Variants in KCNQ5 observed in about 807,000 individuals in gnomAD.
The protein encoded by KCNQ5 is potassium voltage-gated channel subfamily KQT member 5.
A neutral mutation model predicts 98.2 loss-of-function variants in KCNQ5; 30 were observed. The ratio of observed to expected loss-of-function variants is 0.31; its 90% CI spans 0.23 to 0.41. The LOEUF is 0.41. Among genes scored for constraint, KCNQ5 ranks in the 10% least tolerant of loss-of-function variants. The pLI is 1.00. For synonymous variants in KCNQ5, 458 were observed against 449.4 expected (o/e 1.02, Z -0.24); for missense variants, 835 against 1,182.5 (o/e 0.71, Z 4.31).
At chr6:73,171,244 C>T (rs1055709041) in intron 11 of KCNQ5, among the ~76,000 whole-genome samples, 5 of 152,128 alleles carry the variant, frequency 3.3e-5, no homozygotes, top group Admixed American at 1.3e-4. Flanking sequence ...TCAATGGAAC[C>T]CTCAAGTCAC....
chr6:72,745,571 G>C (rs1771354439), intron 1 of KCNQ5, among the ~76,000 whole-genome samples: 1 of 152,048 alleles, frequency 6.6e-6, no homozygotes, highest in African/African-American at 2.4e-5. Context: ...TTATATTTTT[G>C]TTTGAAATTA....
chr6:73,136,558 C>T (rs116869268), intron 10 of KCNQ5: 11 of 152,324 alleles, frequency 7.2e-5, no homozygotes, highest in Non-Finnish European at 1.6e-4. Flanking sequence ...GATGCCCATT[C>T]AATTAATTCT....
chr6:72,653,464 A>T (rs2154472501), intron 1 of KCNQ5, among the ~76,000 whole-genome samples: 1 of 152,206 alleles, frequency 6.6e-6, no homozygotes, highest in Middle Eastern at 3.4e-3. Flanking sequence ...GAGGAAGCTA[A>T]AAATGCCTTT....
At chr6:72,779,747 G>GGATA (rs1353021405) in intron 1 of KCNQ5, among the ~76,000 whole-genome samples, 2 of 151,652 alleles carry the variant, frequency 1.3e-5, no homozygotes, top group African/African-American at 4.8e-5. Flanking sequence ...CAGGCTCAAG[G>GGATA]GATACTACCA....
At chr6:72,628,700 C>T (rs923167436) in intron 1 of KCNQ5, among the ~76,000 whole-genome samples, 1 of 152,114 alleles carries the variant, frequency 6.6e-6, no homozygotes, top group Admixed American at 6.6e-5. Flanking sequence ...ACCTCAGCTT[C>T]CCAAGTTCAA....
At chr6:72,701,857 C>T (rs1768826487) in intron 1 of KCNQ5, among the ~76,000 whole-genome samples, 1 of 151,990 alleles carries the variant, frequency 6.6e-6, no homozygotes, top group African/African-American at 2.4e-5. Flanking sequence ...TGAAGCCTGC[C>T]TAATTTTTGT....
At chr6:72,926,410 C>G (rs1466374288) in intron 1 of KCNQ5, among the ~76,000 whole-genome samples, 1 of 152,138 alleles carries the variant, frequency 6.6e-6, no homozygotes, top group African/African-American at 2.4e-5. Flanking sequence ...CTCTATCTGG[C>G]ACTTTATTAT....
chr6:72,729,031 C>T lies in KCNQ5; in HGVS notation c.398+106444C>T, dbSNP rs540597227. Among the ~76,000 whole-genome samples the T allele has an allele frequency of 1.4e-4, 21 of 152,096 alleles. No individual in the cohort carries two copies. In the South Asian group the frequency reaches 1.7e-3, roughly 12 times the overall value. ...GAATAGTAGTATACTATAAGTACTG[C>T]GCAATGTTCTTTTTTTCACTTAATA... is the stretch of plus-strand genomic sequence containing the variant. On this transcript the variant is annotated intron_variant, in intron 1 of 13. Transcript: ENST00000370398.
At chr6:72,833,826 A>G (rs916638158) in intron 1 of KCNQ5, among the ~76,000 whole-genome samples, 1 of 152,156 alleles carries the variant, frequency 6.6e-6, no homozygotes, top group East Asian at 1.9e-4. Flanking sequence ...AAAAATTATG[A>G]CATATTTATA....
chr6:73,137,586 C>T (rs903048570), intron 10 of KCNQ5, among the ~76,000 whole-genome samples: 14 of 151,958 alleles, frequency 9.2e-5, no homozygotes, highest in African/African-American at 2.7e-4. Context: ...AATGATAAAA[C>T]GAACATGTAT....
chr6:73,040,377 T>C (rs8180669), intron 2 of KCNQ5, among the ~76,000 whole-genome samples: 28,004 of 152,064 alleles, frequency 0.18, 4,103 homozygotes, highest in African/African-American at 0.39. Context: ...TCAACCTAGG[T>C]TGGGCACAGG....
rs1765826852 is a variant in KCNQ5 at position 73,197,441 on chromosome 6, A to C, written c.*2027A>C. 1 of 152,196 alleles carries C rather than the reference A, an allele frequency of 6.6e-6. No homozygotes were observed. Among genetic ancestry groups the C allele is most frequent in the Non-Finnish European group, 1.5e-5 (1 of 68,044 alleles). The allele number at this position is 152,196 out of a possible 1,614,324, so 9.4% of individuals were successfully genotyped here. A position where few individuals can be genotyped will look rare whatever the true frequency, so the allele number is the denominator to read the frequency against. ...GTATAGAAGATAGAGGCTAAATTTT[A>C]CACTTCAGTTAAGACATTGTCAATC... On this transcript the variant is annotated 3_prime_UTR_variant, in exon 14 of 14. Coordinates refer to ENST00000370398, the MANE Select transcript of KCNQ5 (RefSeq NM_019842.4).
chr6:72,768,233 A>G (rs1036155055), intron 1 of KCNQ5, among the ~76,000 whole-genome samples: 24 of 152,018 alleles, frequency 1.6e-4, no homozygotes, highest in African/African-American at 5.5e-4. Flanking sequence ...TGAAACCTAA[A>G]AAGAGGCTGA....
At chr6:73,110,673 T>C (rs1216593152) in intron 6 of KCNQ5, among the ~76,000 whole-genome samples, 1 of 152,222 alleles carries the variant, frequency 6.6e-6, no homozygotes, top group Non-Finnish European at 1.5e-5. Context: ...ACTCTATATC[T>C]TCAAAACTGA....
At chr6:72,649,777 C>T (rs914739034) in intron 1 of KCNQ5, among the ~76,000 whole-genome samples, 2 of 152,066 alleles carry the variant, frequency 1.3e-5, no homozygotes, top group Non-Finnish European at 2.9e-5. Flanking sequence ...TCTTGGCATC[C>T]AACCCTGACC....
At chr6:73,191,984 G>T (rs975937169) in intron 12 of KCNQ5, among the ~76,000 whole-genome samples, 6 of 152,138 alleles carry the variant, frequency 3.9e-5, no homozygotes, top group Admixed American at 3.9e-4. Context: ...AGAGATTGTG[G>T]TCATATTGCA....
intron 1 of KCNQ5, among the ~76,000 whole-genome samples, chr6:72,762,318 G>A (rs938547764): frequency 6.6e-6 from 1 of 151,890 alleles, no homozygotes; most frequent in Non-Finnish European, 1.5e-5. Context: ...AAAGGGAGGA[G>A]GGAGGTCCCA....
At chr6:72,657,770 G>C (rs1454353048) in intron 1 of KCNQ5, among the ~76,000 whole-genome samples, 1 of 152,152 alleles carries the variant, frequency 6.6e-6, no homozygotes, top group Non-Finnish European at 1.5e-5. Flanking sequence ...TTGTATAATT[G>C]TTACAATTTT....
At chr6:72,922,713 C>A (rs1450380134) in intron 1 of KCNQ5, among the ~76,000 whole-genome samples, 2 of 151,870 alleles carry the variant, frequency 1.3e-5, no homozygotes, top group African/African-American at 4.8e-5. Flanking sequence ...CCAGTTTCAT[C>A]CATGTTTTGG....
Sources: allele counts gnomAD v4.1 joint callset (sites outside exome capture counted in the v4.1 genomes callset), GRCh38; gene constraint gnomAD v4.1.1; transcripts MANE v1.5; gene names NCBI Gene and HGNC (gene_info 2026-07-23, HGNC 2026-07-21).